The following NDRG4 variants were observed in gnomAD, a reference collection of about 807,000 sequenced individuals.
NDRG4 encodes NDRG family member 4.
In NDRG4, 38 loss-of-function variants were observed where a neutral mutation model predicts 55.8. The ratio of observed to expected loss-of-function variants is 0.68; its 90% CI spans 0.53 to 0.89. The LOEUF is 0.89. Ranked by LOEUF, NDRG4 falls within the 40% of genes least tolerant of loss-of-function variation. The pLI, the probability that NDRG4 is intolerant of heterozygous loss-of-function variation, is 0.00. For missense variants in NDRG4, 455 were observed against 468.6 expected (o/e 0.97, Z 0.27); for synonymous variants, 190 against 182.7 (o/e 1.04, Z -0.32).
chr16:58,481,465 T>C (rs2034386432), intron 1 of NDRG4, among the ~76,000 whole-genome samples: 1 of 152,018 alleles, frequency 6.6e-6, no homozygotes, highest in Admixed American at 6.6e-5. Flanking sequence ...TGCGTGTGTG[T>C]GTGCGCGCGC....
At chr16:58,506,133 C>CGTGTGTGT (rs113481456) in intron 5 of NDRG4, 7,164 of 540,248 alleles carry the variant, frequency 0.013, 402 homozygotes, top group African/African-American at 0.12. Flanking sequence ...GTTGAAAGAG[C>CGTGTGTGT]GTGTGTGTGT....
At position 58,512,474 on chromosome 16, in the gene NDRG4, G is replaced by T. The variant is rs1278794157; in HGVS notation, c.*898G>T. The T allele has an allele frequency of 3.3e-5, 8 of 244,700 alleles. No homozygotes were observed. The highest frequency in any genetic ancestry group is 2.5e-4 in the South Asian group (6 of 23,910). 15.2% of individuals were successfully genotyped at this position (244,700 alleles called of 1,614,324 possible). ...CTGGAGACCCCTTTTTTGCCCCCAG[G>T]TTCCCCAGAGGGCAACGCCATCAGT... On this transcript the variant is annotated 3_prime_UTR_variant, in exon 15 of 15. Coordinates refer to ENST00000570248, the MANE Select transcript of NDRG4 (RefSeq NM_001242835.2).
At chr16:58,492,805 C>A (rs1439720403) in intron 2 of NDRG4, among the ~76,000 whole-genome samples, 1 of 152,144 alleles carries the variant, frequency 6.6e-6, no homozygotes, top group Non-Finnish European at 1.5e-5. Context: ...ATCTCCCCTT[C>A]CTTCTCCTCA....
At chr16:58,504,333 G>T in intron 3 of NDRG4, 26 bp from the exon 4 acceptor site, 1 of 1,613,870 alleles carries the variant, frequency 6.2e-7, no homozygotes. Context: ...CCACACCTGG[G>T]CCCTGACCTC....
chr16:58,487,825 T>C, exon 2 of NDRG4: 1 of 1,542,316 alleles, frequency 6.5e-7, no homozygotes, highest in Non-Finnish European at 8.7e-7. Context: ...AAGCCGCTGC[T>C]CCGGGGCCAG....
At chr16:58,486,432 T>G (rs2035085043) in intron 1 of NDRG4, among the ~76,000 whole-genome samples, 1 of 151,998 alleles carries the variant, frequency 6.6e-6, no homozygotes, top group African/African-American at 2.4e-5. Context: ...AATGCTGGGA[T>G]TATAGGCATG....
chr16:58,479,373 G>C (rs1202696808), intron 1 of NDRG4, among the ~76,000 whole-genome samples: 1 of 152,178 alleles, frequency 6.6e-6, no homozygotes, highest in African/African-American at 2.4e-5. Flanking sequence ...GCTCACTGAG[G>C]TGGTTTCCAG....
chr16:58,477,509 A>G (rs1035253376), intron 1 of NDRG4, among the ~76,000 whole-genome samples: 2 of 152,244 alleles, frequency 1.3e-5, no homozygotes, highest in Non-Finnish European at 2.9e-5. Context: ...TGAAACAAAT[A>G]ATGATAGCAA....
chr16:58,464,634 A>G lies in NDRG4; in HGVS notation c.-24+837A>G, dbSNP rs914234651. On this transcript the variant is annotated intron_variant, in intron 1 of 15. Transcript: ENST00000258187. This position sits in a 1 kb window ranked among gnomAD's most constrained non-coding sequence, Gnocchi z 4.8. ...TTTGTGTGCGGAGCCCAGCCCCGGG[A>G]GAGGACTTGAGGTTGTGGCGAGTCC... 1 of 927,522 alleles carries G rather than the reference A, an allele frequency of 1.1e-6. No homozygotes were observed. Among genetic ancestry groups the G allele is most frequent in the Non-Finnish European group, 1.4e-6 (1 of 697,444 alleles). The allele number at this position is 927,522 out of a possible 1,614,324, so 57.5% of individuals were successfully genotyped here.
chr16:58,483,876 CCAACA>C (rs2034761699), intron 1 of NDRG4, among the ~76,000 whole-genome samples: 1 of 151,998 alleles, frequency 6.6e-6, no homozygotes, highest in African/African-American at 2.4e-5. Flanking sequence ...ACCAGCCTGG[CCAACA>C]TAGTAAGACC....
intron 1 of NDRG4, among the ~76,000 whole-genome samples, chr16:58,485,334 C>A (rs2034966849): frequency 6.6e-6 from 1 of 152,144 alleles, no homozygotes; most frequent in Admixed American, 6.6e-5. Flanking sequence ...ATGATGAGGT[C>A]TCTCTCTGCC....
chr16:58,507,342 C>A, intron 8 of NDRG4: 1 of 422,608 alleles, frequency 2.4e-6, no homozygotes, highest in South Asian at 3.5e-5. Flanking sequence ...AGGAAGAGGT[C>A]GGATGAGCCT....
chr16:58,507,597 A>G, intron 8 of NDRG4: 2 of 564,408 alleles, frequency 3.5e-6, no homozygotes, highest in Non-Finnish European at 6.3e-6. Context: ...GGCGGTGCGC[A>G]TGGCTCTGAG....
At chr16:58,494,603 C>T (rs757951866) in intron 2 of NDRG4, among the ~76,000 whole-genome samples, 3 of 152,194 alleles carry the variant, frequency 2.0e-5, no homozygotes, top group African/African-American at 4.8e-5. Flanking sequence ...CTCACACGCT[C>T]CTCCACCAAG....
chr16:58,478,370 C>T (rs1375694438), intron 1 of NDRG4, among the ~76,000 whole-genome samples: 1 of 141,778 alleles, frequency 7.1e-6, no homozygotes, highest in East Asian at 2.1e-4. Flanking sequence ...GCCTGGGCGA[C>T]AATATGAGAC....
chr16:58,480,181 C>T (rs1347365867), intron 1 of NDRG4, among the ~76,000 whole-genome samples: 1 of 152,180 alleles, frequency 6.6e-6, no homozygotes, highest in African/African-American at 2.4e-5. Flanking sequence ...AGTACAGTGG[C>T]ACGATCTAGG....
chr16:58,491,697 T>C (rs1438514126), intron 2 of NDRG4, among the ~76,000 whole-genome samples: 5 of 152,182 alleles, frequency 3.3e-5, no homozygotes, highest in African/African-American at 1.2e-4. Flanking sequence ...CAACCTCAGG[T>C]GATTGGCTCG....
At chr16:58,471,659 G>A (rs770458842) in intron 1 of NDRG4, among the ~76,000 whole-genome samples, 1 of 152,114 alleles carries the variant, frequency 6.6e-6, no homozygotes, top group Non-Finnish European at 1.5e-5. Flanking sequence ...CAAACCACAG[G>A]TGGAATGTAT....
chr16:58,480,941 G>A (rs1397582505), intron 1 of NDRG4, among the ~76,000 whole-genome samples: 6 of 151,948 alleles, frequency 3.9e-5, no homozygotes, highest in Admixed American at 2.0e-4. Flanking sequence ...CTCAGAAGGC[G>A]GAGGTTGCAA....
Sources: allele counts gnomAD v4.1 joint callset (sites outside exome capture counted in the v4.1 genomes callset), GRCh38; gene constraint gnomAD v4.1.1; non-coding constraint Gnocchi (gnomAD v3.1); transcripts MANE v1.5; gene names NCBI Gene and HGNC (gene_info 2026-07-23, HGNC 2026-07-21).